Variants in BCL9L observed in about 807,000 individuals in gnomAD.
BCL9L encodes the protein BCL9 like, also known as B-cell CLL/lymphoma 9-like protein.
A neutral mutation model predicts 99.4 loss-of-function variants in BCL9L; 19 were observed. That is an observed-to-expected ratio of 0.19 (90% CI 0.13 to 0.28). BCL9L has a LOEUF of 0.28. BCL9L is among the 10% of genes least tolerant of loss of function. The pLI is 1.00. For synonymous variants in BCL9L, 900 were observed against 854.8 expected (o/e 1.05, Z -0.92); for missense variants, 2,023 against 2,101.6 (o/e 0.96, Z 0.73).
rs1939961852 is a variant in BCL9L, at chr11:118,897,486, T to G, written c.*929A>C. ...AACACACATGCACGTGCACACATGT[T>G]CTCCCTGAATCACTCAGCAGCAGAC... On this transcript the variant is annotated 3_prime_UTR_variant, in exon 10 of 10. Transcript: ENST00000683865. The G allele has an allele frequency of 6.3e-6, 2 of 319,084 alleles. No homozygotes were observed. Among genetic ancestry groups the G allele is most frequent in the South Asian group, 4.9e-5 (2 of 40,902 alleles). The allele number at this position is 319,084 out of a possible 1,614,324, so 19.8% of individuals were successfully genotyped here.
rs1941156627 is a variant in BCL9L at position 118,922,031 on chromosome 11, GGGA to G, written c.-130-3155_-130-3153del. Reference sequence around the variant, plus strand: ...TCTCCACAAGGATGCGGGACCCTCGGGGAGACTGAGGCAGTGTAACACATGCCC... The same window carrying G: ...TCTCCACAAGGATGCGGGACCCTCGGGACTGAGGCAGTGTAACACATGCCC... On this transcript the variant is annotated intron_variant, in intron 1 of 9. Transcript: ENST00000683865. The surrounding 1 kb of genome is among the most constrained non-coding windows in gnomAD (Gnocchi z 6.2). Among the ~76,000 whole-genome samples the G allele has an allele frequency of 6.6e-6, 1 of 152,086 alleles. No individual in the cohort carries two copies. Among genetic ancestry groups the G allele is most frequent in the Non-Finnish European group, 1.5e-5 (1 of 67,994 alleles).
Position 118,900,878 on chromosome 11 carries a change from G to A in BCL9L, c.2865C>T (p.Pro955=), listed in dbSNP as rs750447494. The A allele has an allele frequency of 2.5e-6, 4 of 1,605,000 alleles. No homozygotes were observed. In the South Asian group the frequency reaches 4.4e-5, roughly 18 times the overall value. The part of the protein sequence containing the change: ...VTSPSANLKS[P]QTPSQMVPLP... Reference sequence around the variant, plus strand: ...AGGGCACCATCTGTGAGGGAGTCTGGGGTGACTTGAGGTTGGCAGAGGGCG... The same window carrying A: ...AGGGCACCATCTGTGAGGGAGTCTGAGGTGACTTGAGGTTGGCAGAGGGCG... Residue 955 remains proline, a synonymous_variant, in exon 8 of 10, where the codon CCC becomes CCT. Coordinates refer to ENST00000683865, the MANE Select transcript of BCL9L (RefSeq NM_001378213.1). This position sits in a 1 kb window ranked among gnomAD's most constrained non-coding sequence, Gnocchi z 5.3.
intron 1 of BCL9L, among the ~76,000 whole-genome samples, chr11:118,919,834 C>T (rs556793753): frequency 1.3e-5 from 2 of 152,296 alleles, no homozygotes; most frequent in South Asian, 2.1e-4. Context: ...CCTGCCCTGC[C>T]GCCACCTAGG....
At chr11:118,924,562 A>G (rs533061834) in intron 1 of BCL9L, among the ~76,000 whole-genome samples, 1 of 152,250 alleles carries the variant, frequency 6.6e-6, no homozygotes, top group South Asian at 2.1e-4. Flanking sequence ...GCCCTGGAAT[A>G]GGACCTACCC....
intron 5 of BCL9L, among the ~76,000 whole-genome samples, chr11:118,905,065 G>A (rs1940450670): frequency 6.6e-6 from 1 of 152,198 alleles, no homozygotes; most frequent in Non-Finnish European, 1.5e-5. Flanking sequence ...CCAACCCTAT[G>A]AGATAAATAA....
chr11:118,903,465 G>T lies in BCL9L; in HGVS notation c.533-13C>A. 1 of 1,612,654 alleles carries T rather than the reference G, an allele frequency of 6.2e-7. No homozygotes were observed. Among genetic ancestry groups the T allele is most frequent in the South Asian group, 1.1e-5 (1 of 90,856 alleles). The stretch of plus-strand genomic sequence containing the variant: ...GCTACATTACAATCTGCAGGAGAGA[G>T]GACAGGGAAAGGGGCTAAGTGGTCT... On this transcript the variant is annotated splice_polypyrimidine_tract_variant and intron_variant, in intron 5 of 9. Coordinates refer to ENST00000683865, the MANE Select transcript of BCL9L (RefSeq NM_001378213.1). The surrounding 1 kb of genome is among the most constrained non-coding windows in gnomAD (Gnocchi z 5.6).
At position 118,898,380 on chromosome 11, in the gene BCL9L, C is replaced by T. The variant is rs755786683; in HGVS notation, c.*35G>A. 2.5e-5 allele frequency: 33 copies of T among 1,334,138 alleles called. No homozygotes were observed. In the African/African-American group the frequency reaches 4.3e-4, roughly 17 times the overall value. 82.6% of individuals were successfully genotyped at this position (1,334,138 alleles called of 1,614,324 possible). ...AACTTTGTTAAGGTTATCGTATTTG[C>T]AACATTGCCCCGGCTCCAGCCCTGG... On this transcript the variant is annotated 3_prime_UTR_variant, in exon 10 of 10. Coordinates refer to ENST00000683865, the MANE Select transcript of BCL9L (RefSeq NM_001378213.1).
At chr11:118,906,613 C>T (rs981058522) in intron 5 of BCL9L, among the ~76,000 whole-genome samples, 1 of 152,148 alleles carries the variant, frequency 6.6e-6, no homozygotes, top group Non-Finnish European at 1.5e-5. Flanking sequence ...ATGGTCCCTG[C>T]CTTCAAGGAG....
At position 118,896,250 on chromosome 11, in the gene BCL9L, G is replaced by A. The variant is rs980011057; in HGVS notation, c.*2165C>T. The stretch of plus-strand genomic sequence containing the variant: ...AAAATTGTTTCAAAATAAAAACCAA[G>A]AAGATGTCTTCACATATTGTATTTA... On this transcript the variant is annotated 3_prime_UTR_variant, in exon 10 of 10. Coordinates refer to ENST00000683865, the MANE Select transcript of BCL9L (RefSeq NM_001378213.1). 6.0e-6 allele frequency: 1 copy of A among 165,522 alleles called. No individual in the cohort carries two copies. 10.3% of individuals were successfully genotyped at this position (165,522 alleles called of 1,614,324 possible). A position where few individuals can be genotyped will look rare whatever the true frequency, so the allele number is the denominator to read the frequency against.
At chr11:118,910,242 G>C in intron 2 of BCL9L, 1 of 411,810 alleles carries the variant, frequency 2.4e-6, no homozygotes, top group South Asian at 3.1e-5. Flanking sequence ...GCAAGCCTCC[G>C]CCCCGACGGG....
At position 118,901,219 on chromosome 11, in the gene BCL9L, G is replaced by C; in HGVS notation, c.2524C>G (p.Pro842Ala). The C allele has an allele frequency of 6.2e-7, 1 of 1,614,008 alleles. No homozygotes were observed. The highest frequency in any genetic ancestry group is 8.5e-7 in the Non-Finnish European group (1 of 1,179,956). ...GAGAATCCCTGCTGGCCCTGGTTGGGAAACTGTGAAGGCATCAGCATCTTC... is the reference window on the plus strand; with the variant it reads ...GAGAATCCCTGCTGGCCCTGGTTGGCAAACTGTGAAGGCATCAGCATCTTC... ...PQKMLMPSQFPNQGQQGFSGG... is the reference protein window; with the variant it reads ...PQKMLMPSQFANQGQQGFSGG... Residue 842 changes from proline (P) to alanine (A), a missense_variant, in exon 8 of 10, where the codon CCC (proline) becomes GCC (alanine). Coordinates refer to ENST00000683865, the MANE Select transcript of BCL9L (RefSeq NM_001378213.1). This position sits in a 1 kb window ranked among gnomAD's most constrained non-coding sequence, Gnocchi z 6.6.
intron 5 of BCL9L, among the ~76,000 whole-genome samples, chr11:118,906,640 C>T (rs1418369599): frequency 6.6e-6 from 1 of 152,172 alleles, no homozygotes; most frequent in African/African-American, 2.4e-5. Flanking sequence ...ATTTAATAGT[C>T]TCTGGCTAGT....
chr11:118,917,130 CGGCGGCAGCAAACAGT>C (rs1384065169), intron 2 of BCL9L, among the ~76,000 whole-genome samples: 1 of 152,146 alleles, frequency 6.6e-6, no homozygotes, highest in Non-Finnish European at 1.5e-5. Flanking sequence ...GATGGGGAAG[CGGCGGCAGCAAACAGT>C]GGATCTGGAG....
At position 118,903,572 on chromosome 11, in the gene BCL9L, C is replaced by A; in HGVS notation, c.533-120G>T. 1 of 1,103,520 alleles carries A rather than the reference C, an allele frequency of 9.1e-7. No individual in the cohort carries two copies. The highest frequency in any genetic ancestry group is 1.3e-6 in the Non-Finnish European group (1 of 745,494). The allele number at this position is 1,103,520 out of a possible 1,614,324, so 68.4% of individuals were successfully genotyped here. ...TCGTGCCCACAGGGACATTTGATGT[C>A]AGTATCTGGTGTTCTCACCAGGCTG... On this transcript the variant is annotated intron_variant, in intron 5 of 9. Transcript: ENST00000683865. This position sits in a 1 kb window ranked among gnomAD's most constrained non-coding sequence, Gnocchi z 5.6.
Position 118,900,105 on chromosome 11 carries a change from G to C in BCL9L, c.3218C>G (p.Ser1073Cys). 1 of 1,614,006 alleles carries C rather than the reference G, an allele frequency of 6.2e-7. No individual in the cohort carries two copies. Among genetic ancestry groups the C allele is most frequent in the Non-Finnish European group, 8.5e-7 (1 of 1,179,966 alleles). Reference protein sequence around the residue: ...GLMNPSLPFTSSPDPTPSQNP... With the variant: ...GLMNPSLPFTCSPDPTPSQNP... The stretch of plus-strand genomic sequence containing the variant: ...CTGGGAAGGTGTGGGGTCTGGGGAG[G>C]AAGTGAATGGTAGGCTGGGGTTCAT... Residue 1073 changes from serine to cysteine, a missense_variant, in exon 9 of 10, where the codon TCC becomes TGC. Transcript: ENST00000683865. This position sits in a 1 kb window ranked among gnomAD's most constrained non-coding sequence, Gnocchi z 5.3.
In BCL9L at chr11:118,898,590, C is replaced by T. The variant is rs752061486; in HGVS notation, c.4325G>A (p.Gly1442Glu). The T allele has an allele frequency of 7.4e-6, 12 of 1,611,620 alleles. No homozygotes were observed. The highest frequency in any genetic ancestry group is 1.0e-5 in the Non-Finnish European group (12 of 1,179,468). ...GGGCGGCTGGCTGTAGACCTCGCCC[C>T]CCACGCCCCGCTGCTTCATCAGCAT... ...NFMLMKQRGV[G>E]GEVYSQPPHM... The change falls in exon 10 of 10, where the codon GGG becomes GAG. Residue 1442 changes from glycine to glutamate, a missense_variant. By Grantham distance (98) the Gly-to-Glu change is moderately conservative (BLOSUM62 -2). This residue lies in a region of BCL9L where 902 missense variants were observed against 888.2 expected (regional missense o/e 1.02). Coordinates refer to ENST00000683865, the MANE Select transcript of BCL9L (RefSeq NM_001378213.1).
chr11:118,923,004 C>A (rs1284177757), intron 1 of BCL9L, among the ~76,000 whole-genome samples: 2 of 151,862 alleles, frequency 1.3e-5, no homozygotes, highest in Non-Finnish European at 2.9e-5. Flanking sequence ...TGTGGGGGTG[C>A]CCCCAGCTCC....
In BCL9L at chr11:118,902,807, C is replaced by CG; in HGVS notation, c.935dup (p.Ala313GlyfsTer16). The stretch of plus-strand genomic sequence containing the variant: ...GAGCAGGCGGGGCACTGCCAGGGGC[C>CG]GGGGGTGGCGGCGGCGGCAGTGGAG... On this transcript the variant is annotated frameshift_variant, in exon 8 of 10. Coordinates refer to ENST00000683865, the MANE Select transcript of BCL9L (RefSeq NM_001378213.1). LOFTEE classifies it high-confidence loss of function. The surrounding 1 kb of genome is among the most constrained non-coding windows in gnomAD (Gnocchi z 7.8). The CG allele has an allele frequency of 6.4e-7, 1 of 1,553,410 alleles. No individual in the cohort carries two copies.
rs775601825 is a variant in BCL9L at position 118,897,796 on chromosome 11, C to T, written c.*619G>A. 2.2e-6 allele frequency: 1 copy of T among 455,730 alleles called. No homozygotes were observed. Among genetic ancestry groups the T allele is most frequent in the African/African-American group, 2.0e-5 (1 of 49,794 alleles). The allele number at this position is 455,730 out of a possible 1,614,324, so 28.2% of individuals were successfully genotyped here. A position where few individuals can be genotyped will look rare whatever the true frequency, so the allele number is the denominator to read the frequency against. On this transcript the variant is annotated 3_prime_UTR_variant, in exon 10 of 10. Coordinates refer to ENST00000683865, the MANE Select transcript of BCL9L (RefSeq NM_001378213.1). Reference sequence around the variant, plus strand: ...TGACTTCTATCAAAACACAGAAATACAGCACACGCACAAACCAGCACAAAA... The same window carrying T: ...TGACTTCTATCAAAACACAGAAATATAGCACACGCACAAACCAGCACAAAA...
Sources: gnomAD v4.1 joint callset for allele counts (sites outside exome capture counted in the v4.1 genomes callset) on GRCh38, gnomAD v4.1.1 for gene constraint, gnomAD v4.1.1 regional missense constraint, Gnocchi (gnomAD v3.1) non-coding constraint, MANE v1.5 for transcripts, NCBI Gene and HGNC (gene_info 2026-07-23, HGNC 2026-07-21) for gene names.